GRID2: variants seen among roughly 807,000 people sequenced by gnomAD.
The protein encoded by GRID2 is glutamate ionotropic receptor delta type subunit 2, also known as glutamate receptor ionotropic, delta-2.
A neutral mutation model predicts 114.8 loss-of-function variants in GRID2; 33 were observed. The observed-to-expected ratio is 0.29, with a 90% confidence interval of 0.22 to 0.38. The LOEUF is 0.38. Ranked by LOEUF, GRID2 falls within the 10% of genes least tolerant of loss-of-function variation. The pLI, the probability that GRID2 is intolerant of heterozygous loss-of-function variation, is 1.00. For synonymous variants in GRID2, 505 were observed against 449.9 expected, an observed-to-expected ratio of 1.12 and a Z score of -1.55; for missense variants, 1,184 against 1,257.7, an observed-to-expected ratio of 0.94 and a Z score of 0.89.
chr4:92,406,030 G>A (rs1731013623), intron 1 of GRID2, among the ~76,000 whole-genome samples: 1 of 152,140 alleles, frequency 6.6e-6, no homozygotes, highest in South Asian at 2.1e-4. Context: ...ATGGAAGAGA[G>A]ATGTAGGTTG....
intron 8 of GRID2, among the ~76,000 whole-genome samples, chr4:93,308,751 A>C (rs953248428): frequency 6.6e-6 from 1 of 152,040 alleles, no homozygotes; most frequent in Non-Finnish European, 1.5e-5. Context: ...TCACCAATGC[A>C]ATAAGACTTT....
At chr4:92,413,090 A>T (rs917408729) in intron 1 of GRID2, among the ~76,000 whole-genome samples, 1 of 152,174 alleles carries the variant, frequency 6.6e-6, no homozygotes, top group Non-Finnish European at 1.5e-5. Context: ...GTGCAGTTTT[A>T]TTACATGGAT....
intron 4 of GRID2, among the ~76,000 whole-genome samples, chr4:93,169,183 C>CACAA (rs1554000609): frequency 1.4e-5 from 2 of 145,314 alleles, no homozygotes; most frequent in African/African-American, 5.1e-5. Context: ...CACACACACA[C>CACAA]AAACTTAAAA....
intron 11 of GRID2, among the ~76,000 whole-genome samples, chr4:93,462,593 A>C (rs1236501050): frequency 6.6e-6 from 1 of 152,198 alleles, no homozygotes; most frequent in African/African-American, 2.4e-5. Context: ...TACAGAATCC[A>C]ACTTTCTCAT....
chr4:92,912,084 CT>C (rs1483407900), intron 2 of GRID2, among the ~76,000 whole-genome samples: 2 of 151,650 alleles, frequency 1.3e-5, no homozygotes, highest in African/African-American at 2.4e-5. Flanking sequence ...CTGTCATGTA[CT>C]TTACTATATT....
chr4:92,425,386 A>G (rs1732108010), intron 1 of GRID2, among the ~76,000 whole-genome samples: 2 of 152,096 alleles, frequency 1.3e-5, no homozygotes, highest in African/African-American at 2.4e-5. Flanking sequence ...CAAAAACACA[A>G]TGGAATAAAA....
chr4:92,509,573 CTAAA>C, intron 1 of GRID2, among the ~76,000 whole-genome samples: 1 of 151,854 alleles, frequency 6.6e-6, no homozygotes, highest in South Asian at 2.1e-4. Context: ...TGATATAAAA[CTAAA>C]TAAAATATAG....
At chr4:92,435,755 A>C (rs1285898936) in intron 1 of GRID2, among the ~76,000 whole-genome samples, 1 of 152,218 alleles carries the variant, frequency 6.6e-6, no homozygotes, top group East Asian at 1.9e-4. Context: ...ACTCATTGTG[A>C]GGAAGAACTC....
chr4:92,959,808 A>C lies in GRID2; in HGVS notation c.245-125187A>C, dbSNP rs372554230. 2.5e-4 allele frequency among the ~76,000 whole-genome samples: 38 copies of C among 152,160 alleles called. No individual in the cohort carries two copies. In the East Asian group the frequency reaches 7.2e-3, roughly 29 times the overall value. On this transcript the variant is annotated intron_variant, in intron 2 of 15. Transcript: ENST00000282020. Reference sequence around the variant, plus strand: ...TCATAAGTGGGAGATGAACAATGAGAACACATGGACACAGGGAGGGGAACA... The same window carrying C: ...TCATAAGTGGGAGATGAACAATGAGCACACATGGACACAGGGAGGGGAACA...
intron 4 of GRID2, among the ~76,000 whole-genome samples, chr4:93,129,230 TG>T (rs1389940554): frequency 1.3e-5 from 2 of 152,202 alleles, no homozygotes; most frequent in African/African-American, 4.8e-5. Flanking sequence ...CATTTTAAAC[TG>T]TAACGTGTTT....
At chr4:93,752,741 A>C (rs897894495) in intron 14 of GRID2, among the ~76,000 whole-genome samples, 7 of 152,192 alleles carry the variant, frequency 4.6e-5, no homozygotes, top group African/African-American at 1.7e-4. Context: ...TTCCCTGCTT[A>C]AAATTTCCTA....
intron 8 of GRID2, among the ~76,000 whole-genome samples, chr4:93,376,139 A>G (rs1380828245): frequency 2.6e-5 from 4 of 152,162 alleles, no homozygotes; most frequent in African/African-American, 4.8e-5. Context: ...TAAAGACCCT[A>G]TCTTCAAATG....
At chr4:93,230,481 T>A (rs943621557) in intron 7 of GRID2, among the ~76,000 whole-genome samples, 5 of 152,198 alleles carry the variant, frequency 3.3e-5, no homozygotes, top group African/African-American at 1.2e-4. Flanking sequence ...AGTATTCTTC[T>A]ATTTTTGTTT....
chr4:92,691,577 T>C (rs1425420912), intron 2 of GRID2, among the ~76,000 whole-genome samples: 1 of 152,230 alleles, frequency 6.6e-6, no homozygotes, highest in Non-Finnish European at 1.5e-5. Context: ...CTTTGCCCTG[T>C]ATCAATATAT....
At chr4:92,827,348 A>G (rs1160550684) in intron 2 of GRID2, among the ~76,000 whole-genome samples, 5 of 151,834 alleles carry the variant, frequency 3.3e-5, no homozygotes, top group Admixed American at 6.6e-5. Flanking sequence ...CACATAAACA[A>G]AAACTCTTTG....
chr4:93,517,121 T>C (rs560431108), intron 13 of GRID2, among the ~76,000 whole-genome samples: 1 of 152,112 alleles, frequency 6.6e-6, no homozygotes, highest in East Asian at 1.9e-4. Context: ...CACACAGTTT[T>C]TGTCAAGATT....
chr4:92,528,861 T>TA (rs1246024982), intron 1 of GRID2, among the ~76,000 whole-genome samples: 2 of 146,612 alleles, frequency 1.4e-5, no homozygotes, highest in African/African-American at 2.5e-5. Flanking sequence ...AAAGGAAGGA[T>TA]ACTTCATACA....
chr4:93,123,240 T>C (rs776112774), intron 4 of GRID2, among the ~76,000 whole-genome samples: 7 of 152,148 alleles, frequency 4.6e-5, no homozygotes, highest in Non-Finnish European at 7.4e-5. Flanking sequence ...CTACTGCTGG[T>C]TTTTACTTTA....
At chr4:93,214,254 T>A (rs1296993412) in intron 5 of GRID2, among the ~76,000 whole-genome samples, 1 of 152,066 alleles carries the variant, frequency 6.6e-6, no homozygotes, top group East Asian at 1.9e-4. Context: ...TTTTAAAAAA[T>A]TCAGAGCATT....
Sources: gnomAD v4.1 joint callset for allele counts (sites outside exome capture counted in the v4.1 genomes callset) on GRCh38, gnomAD v4.1.1 for gene constraint, MANE v1.5 for transcripts, NCBI Gene and HGNC (gene_info 2026-07-23, HGNC 2026-07-21) for gene names.